Variants in CSF2RB observed in about 807,000 individuals in gnomAD.
CSF2RB encodes colony stimulating factor 2 receptor subunit beta.
In CSF2RB, 22 loss-of-function variants were observed where a neutral mutation model predicts 67.2. That is an observed-to-expected ratio of 0.33 (90% CI 0.23 to 0.47). The LOEUF is 0.47. Ranked by LOEUF, CSF2RB falls within the 20% of genes least tolerant of loss-of-function variation. CSF2RB has a pLI of 1.00. For missense variants in CSF2RB, 1,113 were observed against 1,174.5 expected, an observed-to-expected ratio of 0.95 and a Z score of 0.76; for synonymous variants, 507 against 482.9, an observed-to-expected ratio of 1.05 and a Z score of -0.65.
intron 4 of CSF2RB, among the ~76,000 whole-genome samples, chr22:36,928,076 T>G (rs568600710): frequency 6.6e-6 from 1 of 152,194 alleles, no homozygotes; most frequent in African/African-American, 2.4e-5. Context: ...TCCTGGAGCC[T>G]GTGTTGAGTA....
chr22:36,938,622 G>A lies in CSF2RB; in HGVS notation c.*120G>A. 1 of 1,123,042 alleles carries A rather than the reference G, an allele frequency of 8.9e-7. No individual in the cohort carries two copies. Among genetic ancestry groups the A allele is most frequent in the Non-Finnish European group, 1.2e-6 (1 of 807,414 alleles). The allele number at this position is 1,123,042 out of a possible 1,614,324, so 69.6% of individuals were successfully genotyped here. On this transcript the variant is annotated 3_prime_UTR_variant, in exon 14 of 14. Coordinates refer to ENST00000403662, the MANE Select transcript of CSF2RB (RefSeq NM_000395.3). Reference sequence around the variant, plus strand: ...CTCCTGTCAAGGTAGCTAGAGGCCTGGGAAAGGAGATAGCCTTGCTCCGGC... The same window carrying A: ...CTCCTGTCAAGGTAGCTAGAGGCCTAGGAAAGGAGATAGCCTTGCTCCGGC...
intron 4 of CSF2RB, among the ~76,000 whole-genome samples, chr22:36,927,694 C>T (rs944380671): frequency 2.0e-5 from 3 of 152,110 alleles, no homozygotes; most frequent in Non-Finnish European, 2.9e-5. Flanking sequence ...GCATGGAGAG[C>T]ACTGAGGGGA....
chr22:36,920,898 T>C (rs906990044), intron 1 of CSF2RB, among the ~76,000 whole-genome samples: 5 of 152,240 alleles, frequency 3.3e-5, no homozygotes, highest in African/African-American at 1.2e-4. Context: ...TTAAATTTAA[T>C]ATTTCATCGC....
In CSF2RB at chr22:36,937,437, G is replaced by T. The variant is rs1941291893; in HGVS notation, c.1629G>T (p.Lys543Asn). The T allele has an allele frequency of 6.2e-7, 1 of 1,614,052 alleles. No homozygotes were observed. The highest frequency in any genetic ancestry group is 1.3e-5 in the African/African-American group (1 of 75,042). The change falls in exon 14 of 14, where the codon AAG (lysine) becomes AAT (asparagine). Residue 543 changes from lysine (K) to asparagine (N), a missense_variant. This residue lies in a region of CSF2RB where 554 missense variants were observed against 517.9 expected (regional missense o/e 1.07). Transcript: ENST00000403662. The surrounding 1 kb of genome is among the most constrained non-coding windows in gnomAD (Gnocchi z 4.6). ...EVSPLTIEDP[K>N]HVCDPPSGPD... is the part of the protein sequence containing the mutation. ...CACCTCTCACCATAGAGGACCCCAAGCATGTCTGTGATCCACCATCTGGGC... is the reference window on the plus strand; with the variant it reads ...CACCTCTCACCATAGAGGACCCCAATCATGTCTGTGATCCACCATCTGGGC...
intron 4 of CSF2RB, 137 bp from the exon 5 acceptor site, chr22:36,929,265 G>A (rs1042340585): frequency 3.1e-5 from 34 of 1,082,978 alleles, no homozygotes; most frequent in African/African-American, 2.3e-4. Flanking sequence ...CAGAGGAGAC[G>A]GGTCTTGCTC....
In CSF2RB at chr22:36,925,843, C is replaced by A; in HGVS notation, c.201-144C>A. 5.8e-6 allele frequency: 5 copies of A among 869,460 alleles called. No homozygotes were observed. The South Asian group carries it at 7.5e-5, about 13-fold the overall frequency. 53.9% of individuals were successfully genotyped at this position (869,460 alleles called of 1,614,324 possible). A position where few individuals can be genotyped will look rare whatever the true frequency, so the allele number is the denominator to read the frequency against. On this transcript the variant is annotated intron_variant, in intron 3 of 13. Transcript: ENST00000403662. ...GGGTCCCCTTCTCCCAGGATGGCAG[C>A]TCCGTGGGCAGGATTTTTGTGTGTT...
chr22:36,923,447 G>C, intron 3 of CSF2RB, 80 bp downstream of exon 3: 1 of 1,564,166 alleles, frequency 6.4e-7, no homozygotes, highest in Non-Finnish European at 8.7e-7. Context: ...AGTGTAGAGA[G>C]GGACCTGTCA....
chr22:36,935,666 C>T lies in CSF2RB; in HGVS notation c.1443C>T (p.Pro481=). The change falls in exon 12 of 14, where the codon CCC becomes CCT. Residue 481 remains proline, a synonymous_variant. Transcript: ENST00000403662. ...AGTGGGAGGAGAAGATCCCCAACCC[C>T]AGCAAGAGCCACCTGTTCCAGGTAG... ...RRKWEEKIPN[P]SKSHLFQNGS... The T allele has an allele frequency of 1.9e-6, 3 of 1,614,176 alleles. No homozygotes were observed. Among genetic ancestry groups the T allele is most frequent in the Non-Finnish European group, 2.5e-6 (3 of 1,180,028 alleles).
At chr22:36,936,495 C>T (rs1430849433) in intron 12 of CSF2RB, 54 bp from the exon 13 acceptor site, 2 of 1,504,582 alleles carry the variant, frequency 1.3e-6, no homozygotes, top group Non-Finnish European at 9.2e-7. Flanking sequence ...CTCTGCCTTG[C>T]CCCCACCTCG....
chr22:36,916,959 C>T (rs1045358083), intron 1 of CSF2RB, among the ~76,000 whole-genome samples: 9 of 152,144 alleles, frequency 5.9e-5, no homozygotes, highest in African/African-American at 2.2e-4. Context: ...GGGACATTGA[C>T]CACTGGAAGT....
At chr22:36,914,372 C>G (rs1157932636) in intron 1 of CSF2RB, among the ~76,000 whole-genome samples, 1 of 150,502 alleles carries the variant, frequency 6.6e-6, no homozygotes, top group East Asian at 2.0e-4. Context: ...CAGAGACATA[C>G]CAGGCACTAT....
intron 1 of CSF2RB, among the ~76,000 whole-genome samples, chr22:36,916,733 C>T (rs1940724194): frequency 1.3e-5 from 2 of 152,118 alleles, no homozygotes; most frequent in African/African-American, 4.8e-5. Flanking sequence ...GTGGTGTGCA[C>T]CTGTAATCCC....
At position 36,938,146 on chromosome 22, in the gene CSF2RB, C is replaced by T. The variant is rs1266831802; in HGVS notation, c.2338C>T (p.Pro780Ser). ...PPIEGRSPRS[P>S]RNNPVPPEAK... ...AATTGAGGGCCGGTCCCCCAGGTCA[C>T]CAAGGAACAATCCTGTCCCCCCTGA... The change falls in exon 14 of 14, where the codon CCA (proline) becomes TCA (serine). Residue 780 changes from proline (P) to serine (S), a missense_variant. Physicochemically the swap from Pro to Ser is moderately conservative, Grantham distance 74. Coordinates refer to ENST00000403662, the MANE Select transcript of CSF2RB (RefSeq NM_000395.3). 2.5e-6 allele frequency: 4 copies of T among 1,614,108 alleles called. No individual in the cohort carries two copies. The highest frequency in any genetic ancestry group is 2.2e-5 in the South Asian group (2 of 91,082).
At chr22:36,923,992 GGT>G (rs918359577) in intron 3 of CSF2RB, among the ~76,000 whole-genome samples, 1 of 152,084 alleles carries the variant, frequency 6.6e-6, no homozygotes, top group Non-Finnish European at 1.5e-5. Flanking sequence ...ATCGCTCTGG[GGT>G]GTTGGCCAGG....
chr22:36,933,032 C>G (rs79811796), intron 9 of CSF2RB, 128 bp downstream of exon 9: 1 of 1,113,164 alleles, frequency 9.0e-7, no homozygotes, highest in Non-Finnish European at 1.3e-6. Context: ...GCCACTGGGA[C>G]GTGGTGATCA....
chr22:36,927,001 C>T (rs1277549626), intron 4 of CSF2RB, among the ~76,000 whole-genome samples: 11 of 152,114 alleles, frequency 7.2e-5, no homozygotes, highest in Non-Finnish European at 1.0e-4. Context: ...GCTGCTGAAA[C>T]GGAGACAGAG....
rs35070577 is a variant in CSF2RB, at chr22:36,919,567, A to ATT, written c.-172-2455_-172-2454dup. 1.4e-3 allele frequency among the ~76,000 whole-genome samples: 205 copies of ATT among 142,246 alleles called. 2 individuals carry two copies. The highest frequency in any genetic ancestry group is 4.3e-3 in the South Asian group (19 of 4,454). 93.3% of individuals were successfully genotyped at this position (142,246 alleles called of 152,430 possible). On this transcript the variant is annotated intron_variant, in intron 1 of 13. Coordinates refer to ENST00000403662, the MANE Select transcript of CSF2RB (RefSeq NM_000395.3). The stretch of plus-strand genomic sequence containing the variant: ...CAGACGTGCGCCACCATGGCCAGCT[A>ATT]TTTTTTTTTTTTTTTGCGTTTTTAG...
intron 1 of CSF2RB, among the ~76,000 whole-genome samples, chr22:36,919,488 A>C (rs1274734855): frequency 1.3e-5 from 2 of 149,886 alleles, no homozygotes; most frequent in Admixed American, 6.6e-5. Flanking sequence ...TGCAACCTCC[A>C]CCTCCCAGGT....
intron 10 of CSF2RB, among the ~76,000 whole-genome samples, chr22:36,934,611 T>C (rs991612413): frequency 6.6e-6 from 1 of 151,816 alleles, no homozygotes; most frequent in Non-Finnish European, 1.5e-5. Context: ...TGGAAGGTTT[T>C]GCTGTGATTC....
Sources: allele counts gnomAD v4.1 joint callset (sites outside exome capture counted in the v4.1 genomes callset), GRCh38; gene constraint gnomAD v4.1.1; regional missense constraint gnomAD v4.1.1; non-coding constraint Gnocchi (gnomAD v3.1); transcripts MANE v1.5; gene names NCBI Gene and HGNC (gene_info 2026-07-23, HGNC 2026-07-21).